The following PRH1 variants were observed in gnomAD, a reference collection of about 807,000 sequenced individuals.
PRH1 encodes the protein salivary acidic proline-rich phosphoprotein 1/2.
Under a neutral mutation model 7.9 loss-of-function variants are expected in PRH1, and 7 were observed. The observed-to-expected ratio is 0.89, with a 90% CI of 0.50 to 1.67. The LOEUF (loss-of-function observed/expected upper bound fraction) is 1.67, where lower values mean the gene tolerates loss of function less well. PRH1 is among the 40% of genes most tolerant of loss of function. The pLI, the probability that PRH1 is intolerant of heterozygous loss-of-function variation, is 0.00. For missense variants in PRH1, 109 were observed against 223.6 expected, an observed-to-expected ratio of 0.49 and a Z score of 3.27; for synonymous variants, 45 against 80.8, an observed-to-expected ratio of 0.56 and a Z score of 2.38.
upstream of PRH1, chr12:11,049,152 C>T (rs1211542292): frequency 2.5e-6 from 2 of 789,870 alleles, no homozygotes; most frequent in Non-Finnish European, 3.6e-6. Flanking sequence ...GTGTCTTAAC[C>T]CACTCAAGGA....
chr12:11,102,909 T>G (rs11194331), intron 1 of PRH1, among the ~76,000 whole-genome samples: 113,407 of 152,148 alleles, frequency 0.75, 44,771 homozygotes, highest in East Asian at 0.96. Context: ...CTCAAAAGAA[T>G]ACATTTATGC....
intron 1 of PRH1, chr12:10,986,430 A>C (rs779512284): frequency 6.2e-7 from 1 of 1,614,108 alleles, no homozygotes; most frequent in East Asian, 2.2e-5. Flanking sequence ...TGCCACAAGA[A>C]GATGACAAAC....
chr12:11,030,234 C>CACACAT (rs1435735816), intron 1 of PRH1, among the ~76,000 whole-genome samples: 2 of 118,612 alleles, frequency 1.7e-5, no homozygotes, highest in Non-Finnish European at 3.8e-5. Context: ...TAAACACACA[C>CACACAT]ATATATATAT....
Position 10,997,302 on chromosome 12 carries a change from G to C in PRH1, c.-125-23581C>G, listed in dbSNP as rs543688513. The stretch of plus-strand genomic sequence containing the variant: ...TAGATTAACAGCAGAAAAGATATCA[G>C]GGTCAGAGTGAATGGTATCAAGTTT... On this transcript the variant is annotated intron_variant, in intron 1 of 3. Coordinates refer to the PRH1 transcript ENST00000539853. 10 of 1,614,102 alleles carry C rather than the reference G, an allele frequency of 6.2e-6. 1 individual carries two copies. In the Admixed American group the frequency reaches 1.2e-4, roughly 19 times the overall value.
chr12:11,147,348 C>T (rs540462157), intron 1 of PRH1, among the ~76,000 whole-genome samples: 1 of 152,036 alleles, frequency 6.6e-6, no homozygotes, highest in African/African-American at 2.4e-5. Context: ...CCACCACACA[C>T]CGCTAATTTT....
At chr12:11,118,649 A>G (rs1452241031), downstream of PRH1, among the ~76,000 whole-genome samples, 8 of 152,200 alleles carry the variant, frequency 5.3e-5, no homozygotes, top group Admixed American at 5.2e-4. Flanking sequence ...TGTTCACAAT[A>G]GCCAAGATTT....
chr12:10,930,575 G>A, intron 2 of PRH1: 3 of 1,574,650 alleles, frequency 1.9e-6, no homozygotes, highest in Non-Finnish European at 2.6e-6. Context: ...GGGAGAGAGG[G>A]GCCGGCCGTG....
At chr12:11,005,172 G>A (rs1204801238) in intron 1 of PRH1, among the ~76,000 whole-genome samples, 1 of 152,128 alleles carries the variant, frequency 6.6e-6, no homozygotes, top group African/African-American at 2.4e-5. Context: ...TGGAAAACAT[G>A]ATAATTTCTA....
At chr12:11,069,333 C>A (rs9697708) in intron 1 of PRH1, among the ~76,000 whole-genome samples, 31,489 of 150,914 alleles carry the variant, frequency 0.21, 3,939 homozygotes, top group Non-Finnish European at 0.27. Flanking sequence ...CACCCTTACG[C>A]TTGTCTGTTA....
intron 1 of PRH1, among the ~76,000 whole-genome samples, chr12:11,040,938 A>T (rs1375766513): frequency 6.6e-6 from 1 of 152,194 alleles, no homozygotes; most frequent in Non-Finnish European, 1.5e-5. Context: ...CTCAAACCTA[A>T]CAGCATAGAA....
intron 2 of PRH1, chr12:10,965,349 T>C (rs1186438968): frequency 2.9e-5 from 34 of 1,177,262 alleles, no homozygotes; most frequent in Non-Finnish European, 4.1e-5. Flanking sequence ...AGAAAAGTTA[T>C]CATGTCTGAA....
intron 1 of PRH1, among the ~76,000 whole-genome samples, chr12:11,131,268 T>C (rs991834894): frequency 6.6e-6 from 1 of 151,114 alleles, no homozygotes; most frequent in Non-Finnish European, 1.5e-5. Context: ...GGGAGTCAAG[T>C]GCATGCATCT....
chr12:10,913,745 T>C (rs1020675342), intron 2 of PRH1, among the ~76,000 whole-genome samples: 6 of 152,216 alleles, frequency 3.9e-5, no homozygotes, highest in Admixed American at 3.9e-4. Flanking sequence ...AATGACATGT[T>C]GCTTCAGAGT....
chr12:11,055,126 T>A (rs1943310762), intron 1 of PRH1, among the ~76,000 whole-genome samples: 1 of 128,230 alleles, frequency 7.8e-6, no homozygotes, highest in African/African-American at 2.8e-5. Context: ...ATACTAGACA[T>A]ACTTCTTTTA....
intron 1 of PRH1, among the ~76,000 whole-genome samples, chr12:11,142,159 G>C (rs953642370): frequency 6.6e-6 from 1 of 152,050 alleles, no homozygotes; most frequent in Non-Finnish European, 1.5e-5. Context: ...CCAACAACTA[G>C]GATAAAAGAA....
rs139123932 is a variant in PRH1, at chr12:10,936,850, T to C, written c.-59+36805A>G. ...CATTGAGAGTGTGGGCTTCAACACATGGATTTTGGAGACAAACAAGTCAGT... is the reference window on the plus strand; with the variant it reads ...CATTGAGAGTGTGGGCTTCAACACACGGATTTTGGAGACAAACAAGTCAGT... On this transcript the variant is annotated intron_variant, in intron 2 of 3. Transcript: ENST00000539853. 2.6e-5 allele frequency among the ~76,000 whole-genome samples: 4 copies of C among 152,222 alleles called. No individual in the cohort carries two copies. In the East Asian group the frequency reaches 5.8e-4, roughly 22 times the overall value.
chr12:10,990,649 C>T (rs537980276), intron 1 of PRH1, among the ~76,000 whole-genome samples: 22 of 152,144 alleles, frequency 1.4e-4, no homozygotes, highest in Non-Finnish European at 2.9e-4. Context: ...TCTTTGGCTG[C>T]TATCTTGAGA....
rs769150200 is a variant in PRH1, at chr12:10,957,841, T to A, written c.-59+15814A>T. ...AATATAACTAATCATTAAAGAAATG[T>A]GATTCAAAACCACAATGAGATACTA... On this transcript the variant is annotated intron_variant, in intron 2 of 3. Transcript: ENST00000539853. Among the ~76,000 whole-genome samples, 6 of 152,024 alleles carry A rather than the reference T, an allele frequency of 3.9e-5. No homozygotes were observed. In the South Asian group the frequency reaches 8.3e-4, roughly 21 times the overall value.
At chr12:10,949,237 C>G (rs1286596583) in intron 2 of PRH1, among the ~76,000 whole-genome samples, 1 of 152,182 alleles carries the variant, frequency 6.6e-6, no homozygotes, top group African/African-American at 2.4e-5. Flanking sequence ...ACACTCAGTG[C>G]AGTCAGCCCA....
Sources: gnomAD v4.1 joint callset for allele counts (sites outside exome capture counted in the v4.1 genomes callset) on GRCh38, gnomAD v4.1.1 for gene constraint, MANE v1.5 for transcripts, NCBI Gene and HGNC (gene_info 2026-07-23, HGNC 2026-07-21) for gene names.